The following STXBP5L variants were observed in gnomAD, a reference collection of about 807,000 sequenced individuals.
STXBP5L encodes the protein syntaxin binding protein 5L.
A neutral mutation model predicts 144.5 loss-of-function variants in STXBP5L; 65 were observed. That is an observed-to-expected ratio of 0.45 (90% CI 0.37 to 0.55). The LOEUF (loss-of-function observed/expected upper bound fraction) is 0.55, where lower values mean the gene tolerates loss of function less well. Ranked by LOEUF, STXBP5L falls within the 20% of genes least tolerant of loss-of-function variation. The probability of loss-of-function intolerance (pLI) is 0.00; values close to 1 mark genes in which losing one functional copy is unlikely to be tolerated. For synonymous variants in STXBP5L, 505 were observed against 469.6 expected (o/e 1.08, Z -0.97); for missense variants, 1,298 against 1,405.5 (o/e 0.92, Z 1.22).
intron 2 of STXBP5L, among the ~76,000 whole-genome samples, chr3:120,922,277 C>T (rs940744376): frequency 2.6e-5 from 4 of 151,834 alleles, no homozygotes; most frequent in African/African-American, 9.7e-5. Flanking sequence ...TCACTGTTGG[C>T]GCATGTAAAT....
At chr3:121,240,303 C>A in intron 13 of STXBP5L, 137 bp from the exon 14 acceptor site, 1 of 687,738 alleles carries the variant, frequency 1.5e-6, no homozygotes, top group South Asian at 2.2e-5. Context: ...TAAAAGACAG[C>A]TACACACTTC....
At position 121,369,661 on chromosome 3, in the gene STXBP5L, C is replaced by A. The variant is rs907564653; in HGVS notation, c.2177-9055C>A. Among the ~76,000 whole-genome samples, 10 of 152,208 alleles carry A rather than the reference C, an allele frequency of 6.6e-5. No homozygotes were observed. The East Asian group carries it at 1.2e-3, about 18-fold the overall frequency. ...GGCTTCAGAAAAGCCTTTCACCAGG[C>A]AATTCACTAGAGATTCTGGCTTGTA... On this transcript the variant is annotated intron_variant, in intron 20 of 26. Transcript: ENST00000471454.
intron 7 of STXBP5L, among the ~76,000 whole-genome samples, chr3:121,144,260 G>A (rs2045630119): frequency 6.6e-6 from 1 of 151,618 alleles, no homozygotes; most frequent in African/African-American, 2.4e-5. Context: ...TTTAAGTGTA[G>A]AGTTTTGGTA....
intron 3 of STXBP5L, among the ~76,000 whole-genome samples, chr3:120,997,345 A>C (rs912167649): frequency 2.6e-5 from 4 of 152,170 alleles, no homozygotes; most frequent in African/African-American, 4.8e-5. Context: ...GTTCTGTTTT[A>C]AGTTCTTTGA....
At chr3:121,368,012 G>C (rs2045918347) in intron 20 of STXBP5L, among the ~76,000 whole-genome samples, 1 of 151,746 alleles carries the variant, frequency 6.6e-6, no homozygotes. Context: ...TTATATTCAT[G>C]TGTTTCATCA....
At chr3:120,938,324 A>G (rs954913196) in intron 2 of STXBP5L, among the ~76,000 whole-genome samples, 6 of 152,104 alleles carry the variant, frequency 3.9e-5, no homozygotes, top group African/African-American at 1.4e-4. Flanking sequence ...GCTTATTTAA[A>G]TCATTACTCA....
At chr3:121,061,460 T>G (rs1479827120) in intron 5 of STXBP5L, among the ~76,000 whole-genome samples, 2 of 152,218 alleles carry the variant, frequency 1.3e-5, no homozygotes, top group African/African-American at 4.8e-5. Context: ...TGATTTGGGG[T>G]GGAGAGTTCT....
At chr3:121,068,438 TTTA>T (rs1209638613) in intron 5 of STXBP5L, among the ~76,000 whole-genome samples, 1 of 152,198 alleles carries the variant, frequency 6.6e-6, no homozygotes, top group African/African-American at 2.4e-5. Flanking sequence ...ACTTAAACTT[TTTA>T]TTATCCTATT....
chr3:121,143,284 T>A (rs2045581101), intron 7 of STXBP5L, among the ~76,000 whole-genome samples: 2 of 138,606 alleles, frequency 1.4e-5, no homozygotes. Context: ...ATAACATCAG[T>A]CCTTAAATTA....
intron 20 of STXBP5L, chr3:121,324,695 C>T: frequency 3.6e-6 from 2 of 560,850 alleles, no homozygotes; most frequent in South Asian, 4.9e-5. Flanking sequence ...GTGGTGGAAA[C>T]ACAAGTCCTT....
chr3:121,352,834 T>G (rs569994703), intron 20 of STXBP5L, among the ~76,000 whole-genome samples: 1 of 152,306 alleles, frequency 6.6e-6, no homozygotes, highest in African/African-American at 2.4e-5. Context: ...TAAGTAGCTC[T>G]TATTATTTTG....
intron 20 of STXBP5L, among the ~76,000 whole-genome samples, chr3:121,359,983 T>TATATAATATATATATATTATTACTATATA (rs2045656522): frequency 1.8e-5 from 2 of 110,922 alleles, no homozygotes; most frequent in Non-Finnish European, 3.6e-5. Flanking sequence ...TAATATAATA[T>TATATAATATATATATATTATTACTATATA]ATATAATATA....
chr3:121,168,768 C>G (rs1201827795), intron 9 of STXBP5L, among the ~76,000 whole-genome samples: 1 of 152,186 alleles, frequency 6.6e-6, no homozygotes, highest in East Asian at 1.9e-4. Context: ...AAACACTCTT[C>G]AGGATATTAT....
chr3:120,972,801 C>G (rs1381708537), intron 3 of STXBP5L, among the ~76,000 whole-genome samples: 2 of 151,932 alleles, frequency 1.3e-5, no homozygotes, highest in Non-Finnish European at 2.9e-5. Flanking sequence ...TTATCTAATG[C>G]TTTTTCTTCA....
chr3:121,344,491 CA>C (rs903346998), intron 20 of STXBP5L, among the ~76,000 whole-genome samples: 3 of 151,988 alleles, frequency 2.0e-5, no homozygotes, highest in African/African-American at 7.2e-5. Context: ...CTTCAGCCAA[CA>C]AAAAGATACA....
intron 5 of STXBP5L, among the ~76,000 whole-genome samples, chr3:121,048,465 T>G (rs1560053789): frequency 6.6e-6 from 1 of 152,200 alleles, no homozygotes; most frequent in Non-Finnish European, 1.5e-5. Context: ...TCTCTCCTTA[T>G]CTCTTGCAGG....
chr3:121,132,731 A>G (rs2045052052), intron 7 of STXBP5L, among the ~76,000 whole-genome samples: 1 of 152,220 alleles, frequency 6.6e-6, no homozygotes, highest in Non-Finnish European at 1.5e-5. Flanking sequence ...AAAGAGACTC[A>G]CTGAGGTCAA....
At chr3:120,990,056 A>T (rs953138421) in intron 3 of STXBP5L, among the ~76,000 whole-genome samples, 28 of 152,108 alleles carry the variant, frequency 1.8e-4, no homozygotes, top group Non-Finnish European at 3.4e-4. Context: ...TATCCAGAAA[A>T]CCCCATTGTC....
At chr3:121,237,980 C>T (rs2049537851) in intron 12 of STXBP5L, among the ~76,000 whole-genome samples, 1 of 152,152 alleles carries the variant, frequency 6.6e-6, no homozygotes, top group Admixed American at 6.6e-5. Flanking sequence ...AACTACTTAA[C>T]CAATCTCTAA....
Sources: gnomAD v4.1 joint callset for allele counts (sites outside exome capture counted in the v4.1 genomes callset) on GRCh38, gnomAD v4.1.1 for gene constraint, MANE v1.5 for transcripts, NCBI Gene and HGNC (gene_info 2026-07-23, HGNC 2026-07-21) for gene names.